Variants in GALNS observed in about 807,000 individuals in gnomAD.
The protein encoded by GALNS is galactosamine (N-acetyl)-6-sulfatase.
In GALNS, 65 loss-of-function variants were observed where a neutral mutation model predicts 65.9. The observed-to-expected ratio is 0.99, with a 90% confidence interval of 0.81 to 1.21. The LOEUF is 1.21. Among genes scored for constraint, GALNS ranks in the 50% most tolerant of loss-of-function variants. The probability of loss-of-function intolerance (pLI) is 0.00; values close to 1 mark genes in which losing one functional copy is unlikely to be tolerated. For missense variants in GALNS, 776 were observed against 700.7 expected (o/e 1.11, Z -1.21); for synonymous variants, 346 against 288.9 (o/e 1.20, Z -2.00).
At position 88,818,105 on chromosome 16, in the gene GALNS, G is replaced by T; in HGVS notation, c.1384C>A (p.Gln462Lys). The T allele has an allele frequency of 6.4e-7, 1 of 1,573,066 alleles. No homozygotes were observed. The change falls in exon 13 of 14, where the codon CAG (glutamine) becomes AAG (lysine). Residue 462 changes from glutamine (Q) to lysine (K), a missense_variant. By Grantham distance (53) the Gln-to-Lys change is moderately conservative. Transcript: ENST00000268695. Reference protein sequence around the residue: ...FPLSFASAEYQEALSRITSVV... With the variant: ...FPLSFASAEYKEALSRITSVV... Reference sequence around the variant, plus strand: ...GAGGTGATCCTGCTGAGGGCCTCCTGGTACTCGGCGCTGGCAAAGCTGGGG... The same window carrying T: ...GAGGTGATCCTGCTGAGGGCCTCCTTGTACTCGGCGCTGGCAAAGCTGGGG...
At chr16:88,847,896 C>A (rs1395602219) in intron 1 of GALNS, among the ~76,000 whole-genome samples, 1 of 152,236 alleles carries the variant, frequency 6.6e-6, no homozygotes, top group Non-Finnish European at 1.5e-5. Flanking sequence ...TGTGCATGAA[C>A]CAACACCCAC....
chr16:88,839,317 A>C (rs952294499), intron 4 of GALNS, among the ~76,000 whole-genome samples: 3 of 152,186 alleles, frequency 2.0e-5, no homozygotes, highest in African/African-American at 7.2e-5. Flanking sequence ...GCCCGGCCAC[A>C]GGGGACACTC....
chr16:88,816,205 G>A (rs1909607221), intron 13 of GALNS: 4 of 985,466 alleles, frequency 4.1e-6, no homozygotes, highest in Non-Finnish European at 4.8e-6. Context: ...TGGCAGCCAG[G>A]CTGTGTGCGC....
At chr16:88,848,433 A>C (rs1967352084) in intron 1 of GALNS, among the ~76,000 whole-genome samples, 1 of 152,084 alleles carries the variant, frequency 6.6e-6, no homozygotes, top group Admixed American at 6.6e-5. Flanking sequence ...GGAGATCGAG[A>C]CCATCCTTGC....
At chr16:88,828,301 G>A (rs965336962) in intron 9 of GALNS, among the ~76,000 whole-genome samples, 3 of 152,224 alleles carry the variant, frequency 2.0e-5, no homozygotes, top group Non-Finnish European at 4.4e-5. Flanking sequence ...AGTGGTGTCA[G>A]CACAGGCAGG....
intron 13 of GALNS, chr16:88,815,863 G>C (rs1297449911): frequency 8.1e-6 from 8 of 985,230 alleles, no homozygotes; most frequent in African/African-American, 7.0e-5. Context: ...GTCTGGATGG[G>C]GGATCTGCAT....
chr16:88,849,509 A>G (rs1302225854), intron 1 of GALNS, among the ~76,000 whole-genome samples: 1 of 151,964 alleles, frequency 6.6e-6, no homozygotes, highest in Non-Finnish European at 1.5e-5. Context: ...CTGGTCTTGA[A>G]TACTGACCTC....
At position 88,814,232 on chromosome 16, in the gene GALNS, C is replaced by G. The variant is rs886052452; in HGVS notation, c.*207G>C. The stretch of plus-strand genomic sequence containing the variant: ...TGGGCGAGGAGGAGGGTCCTGAAAT[C>G]TGAGGCGCCGTGGGCGAGGAGGAGG... On this transcript the variant is annotated 3_prime_UTR_variant, in exon 14 of 14. Transcript: ENST00000268695. The G allele has an allele frequency of 3.0e-6, 2 of 677,472 alleles. No homozygotes were observed. The highest frequency in any genetic ancestry group is 5.1e-6 in the Non-Finnish European group (2 of 392,312). The allele number at this position is 677,472 out of a possible 1,614,324, so 42.0% of individuals were successfully genotyped here.
chr16:88,830,659 T>C (rs1045604691), intron 9 of GALNS, among the ~76,000 whole-genome samples: 1 of 152,124 alleles, frequency 6.6e-6, no homozygotes, highest in East Asian at 1.9e-4. Flanking sequence ...GACCACACGG[T>C]GTGATTCTCA....
chr16:88,836,523 G>A (rs112837743), intron 5 of GALNS, among the ~76,000 whole-genome samples: 12 of 152,194 alleles, frequency 7.9e-5, no homozygotes, highest in South Asian at 6.2e-4. Context: ...GCGTGGTGGC[G>A]CACGCCTGTA....
intron 9 of GALNS, among the ~76,000 whole-genome samples, chr16:88,829,956 G>A (rs1911319271): frequency 6.6e-6 from 1 of 152,206 alleles, no homozygotes; most frequent in Non-Finnish European, 1.5e-5. Context: ...ACAGGCGCCG[G>A]GCGCGGTGGC....
intron 9 of GALNS, among the ~76,000 whole-genome samples, chr16:88,830,861 C>A (rs1359344894): frequency 2.0e-5 from 3 of 152,106 alleles, no homozygotes; most frequent in Non-Finnish European, 2.9e-5. Context: ...AGGACACTGG[C>A]CTGAGAAGAT....
chr16:88,843,259 C>A, intron 1 of GALNS: 1 of 1,256,034 alleles, frequency 8.0e-7, no homozygotes, highest in Non-Finnish European at 1.0e-6. Flanking sequence ...ATTTCAAAGT[C>A]AACTGGTAAC....
chr16:88,821,726 T>G, intron 12 of GALNS, among the ~76,000 whole-genome samples: 1 of 152,054 alleles, frequency 6.6e-6, no homozygotes, highest in Admixed American at 6.5e-5. Flanking sequence ...CCGGCCCTAC[T>G]CAAACCCAGG....
chr16:88,856,800 G>A lies in GALNS; in HGVS notation c.78C>T (p.Gly26=), dbSNP rs1460401511. The change falls in exon 1 of 14, where the codon GGC becomes GGT. Residue 26 remains glycine (G), a synonymous_variant. Coordinates refer to ENST00000268695, the MANE Select transcript of GALNS (RefSeq NM_000512.5). ...GCAGGATGTTGGGGGGCTGCGGGGC[G>A]CCCGAGGCCCCCATCCCCGCGGCGC... is the stretch of plus-strand genomic sequence containing the variant. The part of the protein sequence containing the change: ...VLSAAGMGAS[G]APQPPNILLL... 3 of 1,540,692 alleles carry A rather than the reference G, an allele frequency of 1.9e-6. No homozygotes were observed. The highest frequency in any genetic ancestry group is 1.9e-5 in the Admixed American group (1 of 53,302).
intron 4 of GALNS, chr16:88,840,585 C>A (rs956210129): frequency 2.9e-6 from 1 of 344,772 alleles, no homozygotes; most frequent in Non-Finnish European, 5.7e-6. Context: ...TAGACCAGAG[C>A]TTTCACCATC....
chr16:88,817,089 C>T (rs540880777), intron 13 of GALNS: 354 of 985,480 alleles, frequency 3.6e-4, no homozygotes, highest in Admixed American at 8.6e-4. Flanking sequence ...ACCTGCCCTG[C>T]TGGGACCCAC....
chr16:88,824,717 G>A (rs767490559), intron 11 of GALNS, 50 bp downstream of exon 11: 37 of 1,515,198 alleles, frequency 2.4e-5, no homozygotes, highest in Non-Finnish European at 3.4e-5. Flanking sequence ...GGCCACGTCT[G>A]GATAGAGATG....
At chr16:88,853,989 C>T (rs1226757588) in intron 1 of GALNS, among the ~76,000 whole-genome samples, 1 of 152,176 alleles carries the variant, frequency 6.6e-6, no homozygotes, top group Non-Finnish European at 1.5e-5. Context: ...GTGCAATAAG[C>T]TAGTTTTGGG....
Sources: allele counts gnomAD v4.1 joint callset (sites outside exome capture counted in the v4.1 genomes callset), GRCh38; gene constraint gnomAD v4.1.1; transcripts MANE v1.5; gene names NCBI Gene and HGNC (gene_info 2026-07-23, HGNC 2026-07-21).